CDH13: variants seen among roughly 807,000 people sequenced by gnomAD.
CDH13 encodes the protein cadherin 13, also known as cadherin-13.
CDH13 carries 24 observed loss-of-function variants against 63.8 expected under a neutral mutation model. The ratio of observed to expected loss-of-function variants is 0.38; its 90% confidence interval spans 0.27 to 0.53. The LOEUF (loss-of-function observed/expected upper bound fraction) is 0.53. CDH13 is among the 20% of genes least tolerant of loss of function. The probability of loss-of-function intolerance (pLI) is 0.85; values close to 1 mark genes in which losing one functional copy is unlikely to be tolerated. For missense variants in CDH13, 1,049 were observed against 903.1 expected (o/e 1.16, Z -2.07); for synonymous variants, 503 against 355.3 (o/e 1.42, Z -4.67).
chr16:82,645,075 A>C (rs1909928712), intron 1 of CDH13, among the ~76,000 whole-genome samples: 1 of 152,030 alleles, frequency 6.6e-6, no homozygotes, highest in Non-Finnish European at 1.5e-5. Flanking sequence ...GGTTAAGGAA[A>C]CTCTTGTACA....
chr16:83,762,620 G>A (rs529334533), intron 11 of CDH13, among the ~76,000 whole-genome samples: 1 of 152,254 alleles, frequency 6.6e-6, no homozygotes, highest in African/African-American at 2.4e-5. Context: ...TCTCGTAAGG[G>A]TTCTGGAATC....
At chr16:83,292,825 T>C (rs753614850) in intron 5 of CDH13, among the ~76,000 whole-genome samples, 30 of 152,182 alleles carry the variant, frequency 2.0e-4, no homozygotes, top group Non-Finnish European at 3.5e-4. Context: ...GTTTCTTTTC[T>C]CTTTACACTT....
intron 6 of CDH13, among the ~76,000 whole-genome samples, chr16:83,448,222 T>A (rs940559033): frequency 4.6e-5 from 7 of 152,092 alleles, no homozygotes; most frequent in African/African-American, 1.7e-4. Context: ...GAGCAGGAAA[T>A]GTGGTATCAC....
At chr16:83,098,000 G>C (rs775668480) in intron 3 of CDH13, among the ~76,000 whole-genome samples, 6 of 152,168 alleles carry the variant, frequency 3.9e-5, no homozygotes, top group Non-Finnish European at 5.9e-5. Context: ...TATCTGGATG[G>C]AATGAAGGAG....
At chr16:83,135,315 C>A (rs1461083816) in intron 4 of CDH13, among the ~76,000 whole-genome samples, 3 of 152,242 alleles carry the variant, frequency 2.0e-5, no homozygotes, top group South Asian at 2.1e-4. Flanking sequence ...CATCAGTGAT[C>A]TGTCCACCAC....
intron 4 of CDH13, among the ~76,000 whole-genome samples, chr16:83,144,983 G>A (rs963231205): frequency 6.6e-5 from 10 of 152,318 alleles, no homozygotes; most frequent in Admixed American, 2.6e-4. Context: ...GCATCCTGGG[G>A]CTTGTGATAC....
chr16:82,852,261 C>A (rs1376473025), intron 1 of CDH13, among the ~76,000 whole-genome samples: 2 of 152,180 alleles, frequency 1.3e-5, no homozygotes, highest in Non-Finnish European at 2.9e-5. Context: ...CTTTTCTGCC[C>A]TTGTTCCATG....
intron 2 of CDH13, among the ~76,000 whole-genome samples, chr16:82,915,165 C>T (rs1477306962): frequency 3.3e-5 from 5 of 152,186 alleles, no homozygotes; most frequent in African/African-American, 4.8e-5. Flanking sequence ...GTGGTTATAG[C>T]GCTAGTATTG....
chr16:82,941,933 A>G (rs1395308426), intron 2 of CDH13, among the ~76,000 whole-genome samples: 10 of 152,210 alleles, frequency 6.6e-5, no homozygotes, highest in Admixed American at 6.5e-4. Context: ...GGAGTTCTTC[A>G]TATATCCTGA....
chr16:82,788,307 C>G lies in CDH13; in HGVS notation c.46-70055C>G, dbSNP rs1218654373. Among the ~76,000 whole-genome samples the G allele has an allele frequency of 3.3e-5, 5 of 152,206 alleles. No homozygotes were observed. In the East Asian group the frequency reaches 7.7e-4, roughly 23 times the overall value. Reference sequence around the variant, plus strand: ...TCCACGTAGCCACATAAGCTCGTTACTACCCATTACATCTGCCTGTACCTC... The same window carrying G: ...TCCACGTAGCCACATAAGCTCGTTAGTACCCATTACATCTGCCTGTACCTC... On this transcript the variant is annotated intron_variant, in intron 1 of 13. Transcript: ENST00000567109.
At chr16:83,619,387 G>T (rs1223156695) in intron 8 of CDH13, among the ~76,000 whole-genome samples, 2 of 152,194 alleles carry the variant, frequency 1.3e-5, no homozygotes, top group Non-Finnish European at 2.9e-5. Context: ...GCTCAGGGAG[G>T]GCTTCTCAGA....
chr16:82,789,965 C>T (rs1316128028), intron 1 of CDH13, among the ~76,000 whole-genome samples: 1 of 152,058 alleles, frequency 6.6e-6, no homozygotes, highest in Non-Finnish European at 1.5e-5. Context: ...CAGACCAGCC[C>T]CCATCTCTGT....
chr16:82,740,101 C>T (rs1233589258), intron 1 of CDH13, among the ~76,000 whole-genome samples: 2 of 152,200 alleles, frequency 1.3e-5, no homozygotes, highest in African/African-American at 4.8e-5. Flanking sequence ...TGCCACTCAA[C>T]AGCTTACTCA....
chr16:82,759,969 T>C (rs2034770463), intron 1 of CDH13, among the ~76,000 whole-genome samples: 1 of 152,196 alleles, frequency 6.6e-6, no homozygotes, highest in Non-Finnish European at 1.5e-5. Context: ...ATTTATGTCT[T>C]CTCAAACACA....
chr16:82,831,130 C>T (rs1473458246), intron 1 of CDH13, among the ~76,000 whole-genome samples: 2 of 152,082 alleles, frequency 1.3e-5, no homozygotes, highest in Non-Finnish European at 1.5e-5. Context: ...CTAGGCGCCG[C>T]ACCAGACCTG....
chr16:83,658,636 A>C (rs548568708), intron 8 of CDH13, among the ~76,000 whole-genome samples: 2 of 147,508 alleles, frequency 1.4e-5, no homozygotes, highest in African/African-American at 5.1e-5. Flanking sequence ...GCAAGGTCTC[A>C]TGTCCTCACC....
At chr16:82,666,979 C>T (rs998693172) in intron 1 of CDH13, among the ~76,000 whole-genome samples, 3 of 152,244 alleles carry the variant, frequency 2.0e-5, no homozygotes, top group African/African-American at 2.4e-5. Context: ...GGGTCCAGTT[C>T]CTGTTCTTAA....
chr16:83,392,035 C>T (rs145501092), intron 6 of CDH13, among the ~76,000 whole-genome samples: 2 of 152,260 alleles, frequency 1.3e-5, no homozygotes, highest in Non-Finnish European at 2.9e-5. Flanking sequence ...ACCTAATTGT[C>T]ACCTCCCACT....
At chr16:83,263,269 T>A (rs962279574) in intron 5 of CDH13, among the ~76,000 whole-genome samples, 2 of 152,224 alleles carry the variant, frequency 1.3e-5, no homozygotes, top group African/African-American at 4.8e-5. Context: ...GTACAAAACA[T>A]CCTTTTGCTT....
Sources: allele counts gnomAD v4.1 joint callset (sites outside exome capture counted in the v4.1 genomes callset), GRCh38; gene constraint gnomAD v4.1.1; transcripts MANE v1.5; gene names NCBI Gene and HGNC (gene_info 2026-07-23, HGNC 2026-07-21).